Variants in KIAA0825 observed in about 807,000 individuals in gnomAD.
KIAA0825 encodes the protein uncharacterized protein KIAA0825.
KIAA0825 carries 119 observed loss-of-function variants against 147.6 expected under a neutral mutation model. The ratio of observed to expected loss-of-function variants is 0.81; its 90% confidence interval spans 0.69 to 0.94. The LOEUF (loss-of-function observed/expected upper bound fraction) is 0.94. KIAA0825 is among the 40% of genes least tolerant of loss of function. KIAA0825 has a pLI of 0.00. For synonymous variants in KIAA0825, 470 were observed against 518.1 expected, an observed-to-expected ratio of 0.91 and a Z score of 1.26; for missense variants, 1,381 against 1,472.7, an observed-to-expected ratio of 0.94 and a Z score of 1.02.
At chr5:94,338,335 G>T (rs550745857) in intron 20 of KIAA0825, among the ~76,000 whole-genome samples, 53 of 150,982 alleles carry the variant, frequency 3.5e-4, no homozygotes, top group Middle Eastern at 6.9e-3. Flanking sequence ...TGTGGGAAAA[G>T]AATCCTTTTT....
At chr5:94,386,476 A>C in intron 18 of KIAA0825, 72 bp from the exon 19 acceptor site, 1 of 1,179,082 alleles carries the variant, frequency 8.5e-7, no homozygotes, top group Non-Finnish European at 1.2e-6. Context: ...ACTGATCAAT[A>C]TCCAAATTTA....
intron 20 of KIAA0825, among the ~76,000 whole-genome samples, chr5:94,274,641 A>G (rs1262739846): frequency 1.3e-5 from 2 of 152,152 alleles, no homozygotes; most frequent in African/African-American, 4.8e-5. Flanking sequence ...CTAATAATCT[A>G]TAAAACCTTT....
intron 1 of KIAA0825, among the ~76,000 whole-genome samples, chr5:94,615,223 G>A (rs974425094): frequency 6.6e-6 from 1 of 152,156 alleles, no homozygotes; most frequent in African/African-American, 2.4e-5. Context: ...CTCCAGAACT[G>A]CTATATTCAG....
chr5:94,422,471 T>C (rs996447332), intron 14 of KIAA0825, among the ~76,000 whole-genome samples: 10 of 152,228 alleles, frequency 6.6e-5, no homozygotes, highest in Non-Finnish European at 1.3e-4. Flanking sequence ...TCTTCCTTTC[T>C]GAAGGCTCCC....
chr5:94,432,282 G>C (rs1265822221), intron 14 of KIAA0825, among the ~76,000 whole-genome samples: 1 of 152,082 alleles, frequency 6.6e-6, no homozygotes, highest in African/African-American at 2.4e-5. Flanking sequence ...CATAATCTCA[G>C]GCCCCACCCA....
chr5:94,375,726 T>G lies in KIAA0825; in HGVS notation c.3710+8642A>C, dbSNP rs558523341. Among the ~76,000 whole-genome samples the G allele has an allele frequency of 4.1e-4, 62 of 152,234 alleles. 1 individual carries two copies. The highest frequency in any genetic ancestry group is 1.4e-3 in the African/African-American group (60 of 41,556). On this transcript the variant is annotated intron_variant, in intron 20 of 20. Transcript: ENST00000682413. ...TTACTATTCCTGGTAAGGTAGATGG[T>G]GGAAAGTCAGCAGGAGGGATTTGGG... is the stretch of plus-strand genomic sequence containing the variant.
At chr5:94,252,466 T>G (rs75090299) in intron 20 of KIAA0825, among the ~76,000 whole-genome samples, 31,481 of 151,202 alleles carry the variant, frequency 0.21, 3,532 homozygotes, top group East Asian at 0.33. Flanking sequence ...TATATATATA[T>G]AGAGAGAGAG....
At chr5:94,604,576 C>G (rs1334504799) in intron 1 of KIAA0825, among the ~76,000 whole-genome samples, 1 of 151,890 alleles carries the variant, frequency 6.6e-6, no homozygotes, top group Non-Finnish European at 1.5e-5. Context: ...AACAAACAAA[C>G]AAACAAACAA....
At chr5:94,348,940 C>T (rs962704334) in intron 20 of KIAA0825, among the ~76,000 whole-genome samples, 11 of 152,110 alleles carry the variant, frequency 7.2e-5, no homozygotes, top group African/African-American at 2.7e-4. Context: ...GCAATGGTAC[C>T]TCACATTTCA....
chr5:94,573,139 T>C (rs1018618285), intron 2 of KIAA0825, among the ~76,000 whole-genome samples: 1 of 151,780 alleles, frequency 6.6e-6, no homozygotes, highest in Non-Finnish European at 1.5e-5. Flanking sequence ...GGGGGGGTTG[T>C]TCCAGGTTAT....
At chr5:94,370,867 GC>G (rs1562427376) in intron 20 of KIAA0825, among the ~76,000 whole-genome samples, 2 of 152,222 alleles carry the variant, frequency 1.3e-5, no homozygotes, top group East Asian at 3.9e-4. Context: ...CTGAGATCAT[GC>G]CACTGCACTC....
At chr5:94,349,425 C>A (rs1783386722) in intron 20 of KIAA0825, among the ~76,000 whole-genome samples, 1 of 152,130 alleles carries the variant, frequency 6.6e-6, no homozygotes, top group African/African-American at 2.4e-5. Context: ...TACCTTGGAA[C>A]AAATGGACTT....
chr5:94,538,917 A>C (rs1301096669), intron 2 of KIAA0825, among the ~76,000 whole-genome samples: 1 of 152,194 alleles, frequency 6.6e-6, no homozygotes, highest in Non-Finnish European at 1.5e-5. Flanking sequence ...CTACAGTGGA[A>C]TTGCCAGAGG....
At chr5:94,578,059 G>C (rs576870659) in intron 2 of KIAA0825, among the ~76,000 whole-genome samples, 1 of 152,306 alleles carries the variant, frequency 6.6e-6, no homozygotes, top group East Asian at 1.9e-4. Flanking sequence ...AAAAACTGAG[G>C]TTTGTGGTTT....
At chr5:94,166,571 G>T (rs1399748899) in intron 20 of KIAA0825, among the ~76,000 whole-genome samples, 1 of 133,510 alleles carries the variant, frequency 7.5e-6, no homozygotes, top group East Asian at 2.4e-4. Context: ...GCAGTGGCAT[G>T]ATCTCGGCTC....
intron 5 of KIAA0825, among the ~76,000 whole-genome samples, chr5:94,502,411 A>C (rs1765202766): frequency 6.6e-6 from 1 of 152,190 alleles, no homozygotes; most frequent in Non-Finnish European, 1.5e-5. Context: ...ATTGCACTGA[A>C]ATTGAAGGTG....
chr5:94,371,104 A>G (rs1312046551), intron 20 of KIAA0825, among the ~76,000 whole-genome samples: 1 of 152,120 alleles, frequency 6.6e-6, no homozygotes, highest in Non-Finnish European at 1.5e-5. Flanking sequence ...ATTTGAAATA[A>G]TATGTGTATA....
At chr5:94,394,551 T>C (rs909180134) in intron 17 of KIAA0825, among the ~76,000 whole-genome samples, 2 of 152,194 alleles carry the variant, frequency 1.3e-5, no homozygotes, top group African/African-American at 4.8e-5. Flanking sequence ...GGAAAAAATT[T>C]AGCTTATAGA....
intron 20 of KIAA0825, among the ~76,000 whole-genome samples, chr5:94,237,137 C>A (rs1775090909): frequency 6.6e-6 from 1 of 151,646 alleles, no homozygotes. Flanking sequence ...TTATTGTGAG[C>A]ATAAAATTAT....
Sources: allele counts gnomAD v4.1 joint callset (sites outside exome capture counted in the v4.1 genomes callset), GRCh38; gene constraint gnomAD v4.1.1; transcripts MANE v1.5; gene names NCBI Gene and HGNC (gene_info 2026-07-23, HGNC 2026-07-21).